The following COL5A2 variants were observed in gnomAD, a reference collection of about 807,000 sequenced individuals.
COL5A2 encodes the protein collagen alpha-2(V) chain.
Under a neutral mutation model 208.2 loss-of-function variants are expected in COL5A2, and 23 were observed. The observed-to-expected ratio is 0.11, with a 90% CI of 0.08 to 0.16. The LOEUF (loss-of-function observed/expected upper bound fraction) is 0.16, where lower values mean the gene tolerates loss of function less well. Ranked by LOEUF, COL5A2 falls within the 10% of genes least tolerant of loss-of-function variation. COL5A2 has a pLI of 1.00. For synonymous variants in COL5A2, 625 were observed against 628.5 expected, an observed-to-expected ratio of 0.99 and a Z score of 0.08; for missense variants, 1,590 against 1,956.4, an observed-to-expected ratio of 0.81 and a Z score of 3.53.
chr2:189,200,407 G>A (rs889503651), intron 1 of COL5A2, among the ~76,000 whole-genome samples: 1 of 151,544 alleles, frequency 6.6e-6, no homozygotes, highest in African/African-American at 2.4e-5. Flanking sequence ...TAGCTTAATA[G>A]TAATTAAATG....
chr2:189,423,006 A>G, the COL5A2 span, among the ~76,000 whole-genome samples: 1 of 148,246 alleles, frequency 6.7e-6, no homozygotes, highest in South Asian at 2.2e-4. Flanking sequence ...CTGGGCAACA[A>G]GAGCGAAACT....
At chr2:189,422,563 CAT>C in the COL5A2 span, among the ~76,000 whole-genome samples, 1 of 152,138 alleles carries the variant, frequency 6.6e-6, no homozygotes, top group Non-Finnish European at 1.5e-5. Context: ...ACCTAATGGA[CAT>C]ATGCAGAACA....
intron 1 of COL5A2, among the ~76,000 whole-genome samples, chr2:189,197,643 T>C (rs543227013): frequency 1.3e-5 from 2 of 151,958 alleles, no homozygotes; most frequent in Admixed American, 1.3e-4. Context: ...TTATTTATTC[T>C]ACAAATGATC....
intron 1 of COL5A2, among the ~76,000 whole-genome samples, chr2:189,211,457 AT>A (rs1231593658): frequency 2.6e-5 from 4 of 152,248 alleles, no homozygotes; most frequent in African/African-American, 9.6e-5. Context: ...ACTGTTAAAA[AT>A]CATTATCATT....
the COL5A2 span, among the ~76,000 whole-genome samples, chr2:189,242,800 T>A: frequency 1.3e-5 from 2 of 151,912 alleles, no homozygotes; most frequent in Non-Finnish European, 2.9e-5. Context: ...AAGGAAAGAG[T>A]CTTTGAAAAG....
the COL5A2 span, among the ~76,000 whole-genome samples, chr2:189,352,354 C>G: frequency 3.3e-5 from 5 of 152,176 alleles, no homozygotes; most frequent in East Asian, 9.6e-4. Context: ...ATTTCTAGTT[C>G]TAGATCCTTG....
the COL5A2 span, among the ~76,000 whole-genome samples, chr2:189,310,337 T>C: frequency 2.0e-5 from 3 of 152,148 alleles, no homozygotes; most frequent in Admixed American, 6.5e-5. Context: ...CCACTGATCA[T>C]CAGAGAAACG....
chr2:189,287,963 T>C, the COL5A2 span, among the ~76,000 whole-genome samples: 8 of 152,130 alleles, frequency 5.3e-5, no homozygotes, highest in African/African-American at 1.9e-4. Context: ...GCCCAAACTA[T>C]TCAAGGACTT....
chr2:189,386,545 C>A, the COL5A2 span, among the ~76,000 whole-genome samples: 1 of 152,110 alleles, frequency 6.6e-6, no homozygotes, highest in African/African-American at 2.4e-5. Context: ...AAACAGACAG[C>A]TTACAGAATG....
the COL5A2 span, among the ~76,000 whole-genome samples, chr2:189,271,839 A>T: frequency 6.6e-6 from 1 of 152,230 alleles, no homozygotes; most frequent in Non-Finnish European, 1.5e-5. Flanking sequence ...CTCATCAAAA[A>T]GTGGGCCAAG....
chr2:189,392,389 C>T, the COL5A2 span, among the ~76,000 whole-genome samples: 4 of 152,298 alleles, frequency 2.6e-5, no homozygotes, highest in East Asian at 5.8e-4. Flanking sequence ...CTCTCCTCCA[C>T]TCCTGATTAT....
chr2:189,408,255 C>T, the COL5A2 span, among the ~76,000 whole-genome samples: 1 of 152,114 alleles, frequency 6.6e-6, no homozygotes, highest in Non-Finnish European at 1.5e-5. Flanking sequence ...AAATCAGAGG[C>T]TCTAGCTGGA....
rs1250236951 is a variant in COL5A2, at chr2:189,068,952, G to A, written c.1159-68C>T. 4.3e-5 allele frequency: 48 copies of A among 1,123,126 alleles called. 1 individual carries two copies. Among genetic ancestry groups the A allele is most frequent in the Admixed American group, 7.3e-5 (4 of 54,532 alleles). The allele number at this position is 1,123,126 out of a possible 1,614,324, so 69.6% of individuals were successfully genotyped here. A position where few individuals can be genotyped will look rare whatever the true frequency, so the allele number is the denominator to read the frequency against. On this transcript the variant is annotated intron_variant, in intron 18 of 53. Transcript: ENST00000374866. ...AGAGTGGCATTGTACAAAGTTGACC[G>A]CTTATTTGGAATTTTACATTTGAAA... is the stretch of plus-strand genomic sequence containing the variant.
At chr2:189,082,555 T>A (rs1045745619) in intron 12 of COL5A2, among the ~76,000 whole-genome samples, 5 of 152,314 alleles carry the variant, frequency 3.3e-5, no homozygotes, top group African/African-American at 1.2e-4. Context: ...GCTATGTTAT[T>A]TCAAATAATT....
At chr2:189,303,315 T>C in the COL5A2 span, among the ~76,000 whole-genome samples, 7 of 152,186 alleles carry the variant, frequency 4.6e-5, no homozygotes, top group South Asian at 1.4e-3. Context: ...ATTTCTTTTA[T>C]ATAAAAGCCC....
chr2:189,255,770 G>A, the COL5A2 span, among the ~76,000 whole-genome samples: 1 of 151,992 alleles, frequency 6.6e-6, no homozygotes, highest in Admixed American at 6.6e-5. Context: ...AATAATGTAA[G>A]AACTAAAGTG....
At chr2:189,408,343 C>T in the COL5A2 span, among the ~76,000 whole-genome samples, 1 of 152,248 alleles carries the variant, frequency 6.6e-6, no homozygotes, top group South Asian at 2.1e-4. Flanking sequence ...TAGTGCTTGG[C>T]CATACACCCA....
At chr2:189,198,635 T>A (rs1689035649) in intron 1 of COL5A2, among the ~76,000 whole-genome samples, 1 of 152,194 alleles carries the variant, frequency 6.6e-6, no homozygotes, top group South Asian at 2.1e-4. Context: ...GAGAAATCAA[T>A]GTAATCAATT....
At chr2:189,256,523 C>T in the COL5A2 span, among the ~76,000 whole-genome samples, 1 of 152,176 alleles carries the variant, frequency 6.6e-6, no homozygotes, top group African/African-American at 2.4e-5. Context: ...GATCTGTTCT[C>T]CTCATCTTCT....
Sources: gnomAD v4.1 joint callset for allele counts (sites outside exome capture counted in the v4.1 genomes callset) on GRCh38, gnomAD v4.1.1 for gene constraint, MANE v1.5 for transcripts, NCBI Gene and HGNC (gene_info 2026-07-23, HGNC 2026-07-21) for gene names.